The following PCTP variants were observed in gnomAD, a reference collection of about 807,000 sequenced individuals.
PCTP encodes START domain-containing protein 2.
PCTP carries 27 observed loss-of-function variants against 31.0 expected under a neutral mutation model. The ratio of observed to expected loss-of-function variants is 0.87; its 90% CI spans 0.64 to 1.20. The LOEUF (loss-of-function observed/expected upper bound fraction) is 1.20, where lower values mean the gene tolerates loss of function less well. Among genes scored for constraint, PCTP ranks in the 50% most tolerant of loss-of-function variants. The pLI is 0.00. For missense variants in PCTP, 287 were observed against 268.2 expected, an observed-to-expected ratio of 1.07 and a Z score of -0.49; for synonymous variants, 108 against 101.2, an observed-to-expected ratio of 1.07 and a Z score of -0.40.
chr17:55,821,121 T>A (rs1567730729), intron 3 of PCTP, among the ~76,000 whole-genome samples: 1 of 152,192 alleles, frequency 6.6e-6, no homozygotes, highest in Admixed American at 6.5e-5. Flanking sequence ...TTTTTCATAA[T>A]AGGCAAATAA....
At chr17:55,834,585 T>C (rs556325797) in intron 5 of PCTP, among the ~76,000 whole-genome samples, 22 of 152,230 alleles carry the variant, frequency 1.4e-4, no homozygotes, top group African/African-American at 5.3e-4. Context: ...GGTCCATCGC[T>C]TGTGTGTGTG....
In PCTP at chr17:55,832,101, A is replaced by G. The variant is rs1028137214; in HGVS notation, n.505+9174A>G. On this transcript the variant is annotated intron_variant and non_coding_transcript_variant, in intron 5 of 5. Coordinates refer to the PCTP transcript ENST00000576221. ...AACAAACAAACAAACAACAACAACA[A>G]CAAAAAACAAAAACAGAAACACCCA... Among the ~76,000 whole-genome samples the G allele has an allele frequency of 2.6e-5, 4 of 152,058 alleles. No individual in the cohort carries two copies. In the East Asian group the frequency reaches 5.8e-4, roughly 22 times the overall value.
chr17:55,846,252 C>T (rs997044972), downstream of PCTP, among the ~76,000 whole-genome samples: 1 of 152,152 alleles, frequency 6.6e-6, no homozygotes, highest in Non-Finnish European at 1.5e-5. Flanking sequence ...ATATCCTGCT[C>T]AATTCACCCA....
chr17:55,767,515 A>T (rs1249294709), intron 2 of PCTP, 63 bp downstream of exon 2: 1 of 1,144,818 alleles, frequency 8.7e-7, no homozygotes, highest in Non-Finnish European at 1.3e-6. Flanking sequence ...CCCAGGGTGA[A>T]GTGCAAAGGT....
chr17:55,844,070 A>T (rs185176702), downstream of PCTP, among the ~76,000 whole-genome samples: 1 of 152,230 alleles, frequency 6.6e-6, no homozygotes, highest in Non-Finnish European at 1.5e-5. Context: ...TGGCTTTTCA[A>T]TTCCATTTAC....
chr17:55,804,214 A>G (rs1912498205), intron 3 of PCTP, among the ~76,000 whole-genome samples: 1 of 152,226 alleles, frequency 6.6e-6, no homozygotes, highest in Non-Finnish European at 1.5e-5. Flanking sequence ...TCAGGAAACA[A>G]CAGATGCTGG....
At chr17:55,792,317 A>T (rs900378736) in intron 3 of PCTP, among the ~76,000 whole-genome samples, 3 of 136,656 alleles carry the variant, frequency 2.2e-5, no homozygotes, top group African/African-American at 6.7e-5. Context: ...AATAATAAAT[A>T]AAAAAAAGAA....
intron 5 of PCTP, among the ~76,000 whole-genome samples, chr17:55,839,926 A>G (rs1905912986): frequency 1.3e-5 from 2 of 148,604 alleles, no homozygotes; most frequent in African/African-American, 4.9e-5. Context: ...TCTCAAAAAA[A>G]AAAAAAAAAA....
chr17:55,802,984 T>G (rs1343464877), intron 3 of PCTP, among the ~76,000 whole-genome samples: 1 of 152,186 alleles, frequency 6.6e-6, no homozygotes, highest in African/African-American at 2.4e-5. Context: ...CCAAATCTCC[T>G]TAAGCTGATA....
chr17:55,826,046 A>G (rs1191474742), downstream of PCTP, among the ~76,000 whole-genome samples: 1 of 152,228 alleles, frequency 6.6e-6, no homozygotes, highest in East Asian at 1.9e-4. Flanking sequence ...AATCAGAAAA[A>G]TTAGGTAATT....
intron 3 of PCTP, among the ~76,000 whole-genome samples, chr17:55,815,469 G>A (rs1419555147): frequency 6.6e-6 from 1 of 152,176 alleles, no homozygotes; most frequent in Admixed American, 6.5e-5. Flanking sequence ...AGCTGTTTGT[G>A]CATGGAGTAA....
In PCTP at chr17:55,776,118, A is replaced by G; in HGVS notation, c.*18A>G. ...AAACCTAAGAAAGAGAACTGGGAAC[A>G]TTGCATCCATGGGTTGATGTCTCTG... On this transcript the variant is annotated 3_prime_UTR_variant, in exon 6 of 6. Coordinates refer to ENST00000268896, the MANE Select transcript of PCTP (RefSeq NM_021213.4). 1.2e-6 allele frequency: 2 copies of G among 1,613,814 alleles called. No individual in the cohort carries two copies. The highest frequency in any genetic ancestry group is 1.7e-6 in the Non-Finnish European group (2 of 1,179,880).
At chr17:55,839,595 AG>A (rs1436602656) in intron 5 of PCTP, among the ~76,000 whole-genome samples, 1 of 152,190 alleles carries the variant, frequency 6.6e-6, no homozygotes, top group African/African-American at 2.4e-5. Context: ...GTGCAGGACG[AG>A]TGTCCTCATA....
chr17:55,758,436 CAGG>C (rs2144916952), intron 1 of PCTP, among the ~76,000 whole-genome samples: 1 of 152,306 alleles, frequency 6.6e-6, no homozygotes, highest in East Asian at 1.9e-4. Context: ...ATCCATCTCA[CAGG>C]AGAAGAGATT....
chr17:55,786,301 A>G (rs1000826040), intron 2 of PCTP, among the ~76,000 whole-genome samples: 10 of 152,144 alleles, frequency 6.6e-5, no homozygotes, highest in Admixed American at 5.9e-4. Context: ...AAATAGAATA[A>G]AATAGCCATG....
At chr17:55,845,736 G>C (rs764555711), downstream of PCTP, among the ~76,000 whole-genome samples, 9 of 152,122 alleles carry the variant, frequency 5.9e-5, no homozygotes, top group Non-Finnish European at 1.2e-4. Context: ...CCGGGACCCC[G>C]GGCGTGTGAG....
chr17:55,839,931 A>C (rs1344098102), intron 5 of PCTP, among the ~76,000 whole-genome samples: 6 of 149,576 alleles, frequency 4.0e-5, no homozygotes, highest in South Asian at 2.1e-4. Context: ...AAAAAAAAAA[A>C]AAAAAAAAAA....
chr17:55,836,911 T>A lies in PCTP; in HGVS notation n.506-5816T>A, dbSNP rs1370812472. On this transcript the variant is annotated intron_variant and non_coding_transcript_variant, in intron 5 of 5. Coordinates refer to the PCTP transcript ENST00000576221. Reference sequence around the variant, plus strand: ...TGAAAAGGAGAGTGCTGGGGGAATGTACATCAAGGGGATCTAACCTAGTCG... The same window carrying A: ...TGAAAAGGAGAGTGCTGGGGGAATGAACATCAAGGGGATCTAACCTAGTCG... Among the ~76,000 whole-genome samples the A allele has an allele frequency of 2.0e-5, 3 of 152,224 alleles. No homozygotes were observed. In the East Asian group the frequency reaches 5.8e-4, roughly 29 times the overall value.
At chr17:55,785,693 A>C (rs1176654912) in intron 2 of PCTP, among the ~76,000 whole-genome samples, 1 of 152,144 alleles carries the variant, frequency 6.6e-6, no homozygotes, top group Non-Finnish European at 1.5e-5. Context: ...TCACAGATTT[A>C]TTTGTTAGCT....
Sources: allele counts gnomAD v4.1 joint callset (sites outside exome capture counted in the v4.1 genomes callset), GRCh38; gene constraint gnomAD v4.1.1; transcripts MANE v1.5; gene names NCBI Gene and HGNC (gene_info 2026-07-23, HGNC 2026-07-21).